Variants in CSMD1 observed in about 807,000 individuals in gnomAD.
CSMD1 encodes CUB and sushi domain-containing protein 1.
CSMD1 carries 213 observed loss-of-function variants against 417.5 expected under a neutral mutation model. The ratio of observed to expected loss-of-function variants is 0.51; its 90% CI spans 0.46 to 0.57. The LOEUF (loss-of-function observed/expected upper bound fraction) is 0.57. CSMD1 is among the 20% of genes least tolerant of loss of function. The pLI is 0.00. For missense variants in CSMD1, 6,923 were observed against 4,529.7 expected (o/e 1.53, Z -15.17); for synonymous variants, 2,862 against 1,736.8 (o/e 1.65, Z -16.11).
intron 3 of CSMD1, among the ~76,000 whole-genome samples, chr8:4,145,890 G>T (rs757160228): frequency 2.0e-5 from 3 of 151,014 alleles, no homozygotes; most frequent in Non-Finnish European, 4.4e-5. Context: ...ATCATGTCTT[G>T]CTCAATGCTC....
chr8:3,727,611 T>C (rs1025378428), intron 6 of CSMD1, among the ~76,000 whole-genome samples: 7 of 152,254 alleles, frequency 4.6e-5, no homozygotes, highest in African/African-American at 1.7e-4. Flanking sequence ...AATTCGACTT[T>C]TGCGTACACA....
chr8:3,635,215 C>T (rs1273421733), intron 7 of CSMD1, among the ~76,000 whole-genome samples: 4 of 152,044 alleles, frequency 2.6e-5, no homozygotes, highest in Admixed American at 2.6e-4. Context: ...GTGGCTCACG[C>T]CTGTAATCCC....
intron 1 of CSMD1, among the ~76,000 whole-genome samples, chr8:4,894,853 T>C (rs950329617): frequency 3.3e-5 from 5 of 152,230 alleles, no homozygotes; most frequent in African/African-American, 9.6e-5. Context: ...TTATTAAGGT[T>C]CTCTGTGTGA....
intron 5 of CSMD1, among the ~76,000 whole-genome samples, chr8:3,852,772 C>G (rs1482832277): frequency 6.6e-6 from 1 of 152,042 alleles, no homozygotes; most frequent in African/African-American, 2.4e-5. Context: ...TTTGTAGGAT[C>G]CATTCCAGCC....
intron 5 of CSMD1, among the ~76,000 whole-genome samples, chr8:3,784,545 C>G (rs2623663): frequency 0.87 from 132,402 of 152,250 alleles, 57,944 homozygotes; most frequent in Non-Finnish European, 0.93. Context: ...ACTGGTCCCT[C>G]ATGGTCATAA....
intron 41 of CSMD1, among the ~76,000 whole-genome samples, chr8:3,121,262 T>TA (rs1169835534): frequency 7.2e-5 from 11 of 152,176 alleles, no homozygotes; most frequent in East Asian, 1.9e-4. Flanking sequence ...GTCAGCAGGT[T>TA]AAAAAAAATC....
At chr8:4,365,277 G>C (rs904480961) in intron 3 of CSMD1, among the ~76,000 whole-genome samples, 1 of 152,170 alleles carries the variant, frequency 6.6e-6, no homozygotes, top group East Asian at 1.9e-4. Context: ...AAGAAAAACT[G>C]TAAGTGTAAA....
At chr8:4,405,819 G>C (rs1455257769) in intron 3 of CSMD1, among the ~76,000 whole-genome samples, 2 of 152,174 alleles carry the variant, frequency 1.3e-5, no homozygotes, top group South Asian at 4.1e-4. Flanking sequence ...GGGCGGAGCA[G>C]TGCGTGCCTC....
chr8:3,078,470 CAGAAAGT>C (rs1415532641), intron 49 of CSMD1, among the ~76,000 whole-genome samples: 1 of 152,152 alleles, frequency 6.6e-6, no homozygotes, highest in Non-Finnish European at 1.5e-5. Context: ...TTGCAAACTG[CAGAAAGT>C]AACTGATATT....
intron 3 of CSMD1, among the ~76,000 whole-genome samples, chr8:4,286,586 G>A (rs894927212): frequency 6.6e-6 from 1 of 152,066 alleles, no homozygotes; most frequent in South Asian, 2.1e-4. Context: ...ACCAGCACCT[G>A]ATAGCCTCAT....
chr8:4,084,746 C>T (rs28690185), intron 3 of CSMD1, among the ~76,000 whole-genome samples: 4 of 151,020 alleles, frequency 2.6e-5, no homozygotes, highest in Admixed American at 6.6e-5. Flanking sequence ...CCCACCCCCA[C>T]CCCCCTACCC....
At chr8:4,561,322 C>G (rs963082126) in intron 2 of CSMD1, among the ~76,000 whole-genome samples, 1 of 152,112 alleles carries the variant, frequency 6.6e-6, no homozygotes. Context: ...TGCAGTGAAT[C>G]GAGATCATGC....
chr8:4,929,761 A>G (rs889733822), intron 1 of CSMD1, among the ~76,000 whole-genome samples: 2 of 152,186 alleles, frequency 1.3e-5, no homozygotes, highest in African/African-American at 4.8e-5. Context: ...CATGGTTATT[A>G]TAAGCCACAG....
intron 1 of CSMD1, among the ~76,000 whole-genome samples, chr8:4,874,474 C>G (rs966465232): frequency 6.7e-6 from 1 of 150,080 alleles, no homozygotes; most frequent in Non-Finnish European, 1.5e-5. Flanking sequence ...ACTGCAATCT[C>G]TGCCTCCCAG....
chr8:3,864,385 C>G (rs1342188475), intron 5 of CSMD1, among the ~76,000 whole-genome samples: 1 of 151,932 alleles, frequency 6.6e-6, no homozygotes, highest in Non-Finnish European at 1.5e-5. Flanking sequence ...CATTTTTAAT[C>G]AAAAGGTGCA....
intron 2 of CSMD1, among the ~76,000 whole-genome samples, chr8:4,617,665 T>A (rs1801547843): frequency 6.6e-6 from 1 of 152,164 alleles, no homozygotes. Flanking sequence ...AGTCTCATTG[T>A]TTAGGTTTCA....
intron 3 of CSMD1, among the ~76,000 whole-genome samples, chr8:4,051,866 T>TTCTTTCTTTCCTTTCTTTCTC (rs148729822): frequency 3.3e-5 from 4 of 119,800 alleles, no homozygotes; most frequent in African/African-American, 9.6e-5. Context: ...CTTTCTTTCT[T>TTCTTTCTTTCCTTTCTTTCTC]TCCTTCCTCC....
chr8:3,092,910 T>C (rs1350098436), intron 47 of CSMD1, among the ~76,000 whole-genome samples: 1 of 152,154 alleles, frequency 6.6e-6, no homozygotes, highest in Admixed American at 6.5e-5. Flanking sequence ...CTCATTGTTG[T>C]TCATAATACA....
At chr8:3,427,921 G>C (rs2117007540) in intron 12 of CSMD1, among the ~76,000 whole-genome samples, 1 of 152,300 alleles carries the variant, frequency 6.6e-6, no homozygotes, top group East Asian at 1.9e-4. Context: ...TCACAGGGCT[G>C]ACAAGCGCCC....
Sources: allele counts gnomAD v4.1 joint callset (sites outside exome capture counted in the v4.1 genomes callset), GRCh38; gene constraint gnomAD v4.1.1; transcripts MANE v1.5; gene names NCBI Gene and HGNC (gene_info 2026-07-23, HGNC 2026-07-21).